CUBN: variants seen among roughly 807,000 people sequenced by gnomAD.
CUBN encodes cubilin.
In CUBN, 282 loss-of-function variants were observed where a neutral mutation model predicts 405.3. That is an observed-to-expected ratio of 0.70 (90% CI 0.63 to 0.77). CUBN has a LOEUF of 0.77. CUBN is among the 30% of genes least tolerant of loss of function. The pLI is 0.00. For synonymous variants in CUBN, 1,684 were observed against 1,617.0 expected, an observed-to-expected ratio of 1.04 and a Z score of -0.99; for missense variants, 4,514 against 4,475.2, an observed-to-expected ratio of 1.01 and a Z score of -0.25.
Position 16,933,127 on chromosome 10 carries a change from AGATTCAATGT to A in CUBN, c.6074_6083del (p.Asp2025ValfsTer11). On this transcript the variant is annotated frameshift_variant, in exon 40 of 67. Transcript: ENST00000377833. LOFTEE classifies it high-confidence loss of function. ...GGCTATCATAGGCACACGTTCGGTG[AGATTCAATGT>A]CCAGGGAAAGAATGTTGAGTTCCAC... 1 of 1,614,114 alleles carries A rather than the reference AGATTCAATGT, an allele frequency of 6.2e-7. No homozygotes were observed. Among genetic ancestry groups the A allele is most frequent in the South Asian group, 1.1e-5 (1 of 91,080 alleles).
chr10:17,088,077 T>G lies in CUBN; in HGVS notation c.1947+87A>C, dbSNP rs1194760531. On this transcript the variant is annotated intron_variant, in intron 15 of 66. Coordinates refer to ENST00000377833, the MANE Select transcript of CUBN (RefSeq NM_001081.4). ...AACACACCTAACTACAGCTAATATT[T>G]TGGGGTCATCCATGGGCATGGCTAG... The G allele has an allele frequency of 6.3e-6, 6 of 948,678 alleles. No homozygotes were observed. The East Asian group carries it at 1.3e-4, about 20-fold the overall frequency. The allele number at this position is 948,678 out of a possible 1,614,324, so 58.8% of individuals were successfully genotyped here.
At chr10:17,075,045 T>A (rs527640915) in intron 17 of CUBN, among the ~76,000 whole-genome samples, 2 of 150,444 alleles carry the variant, frequency 1.3e-5, no homozygotes, top group East Asian at 1.9e-4. Context: ...GGCAAACAGG[T>A]AGTAAAGAGA....
chr10:17,039,156 C>T (rs45545236), intron 27 of CUBN, among the ~76,000 whole-genome samples: 2 of 152,146 alleles, frequency 1.3e-5, no homozygotes, highest in South Asian at 2.1e-4. Flanking sequence ...CTCCATTACG[C>T]TTTACCAAAT....
intron 60 of CUBN, among the ~76,000 whole-genome samples, chr10:16,849,565 T>C (rs1839620632): frequency 6.6e-6 from 1 of 152,226 alleles, no homozygotes; most frequent in African/African-American, 2.4e-5. Context: ...GCCCCTTTCA[T>C]AGTAAAAACA....
At chr10:16,928,332 A>G in intron 40 of CUBN, 29 bp from the exon 41 acceptor site, 1 of 1,612,234 alleles carries the variant, frequency 6.2e-7, no homozygotes, top group Non-Finnish European at 8.5e-7. Context: ...AACAACATGA[A>G]AATACATCTT....
At chr10:16,902,517 T>C (rs1295534282) in intron 51 of CUBN, among the ~76,000 whole-genome samples, 1 of 151,876 alleles carries the variant, frequency 6.6e-6, no homozygotes, top group East Asian at 1.9e-4. Context: ...TGATGTTCAA[T>C]ACAAATAATA....
intron 22 of CUBN, among the ~76,000 whole-genome samples, chr10:17,052,295 G>C (rs551361853): frequency 1.4e-4 from 21 of 152,090 alleles, no homozygotes; most frequent in Non-Finnish European, 2.8e-4. Flanking sequence ...ATATCCATTG[G>C]GCCAAAGGAA....
intron 22 of CUBN, among the ~76,000 whole-genome samples, chr10:17,059,303 A>T (rs1355228739): frequency 6.6e-6 from 1 of 152,130 alleles, no homozygotes; most frequent in Non-Finnish European, 1.5e-5. Flanking sequence ...AGAAACATCT[A>T]TAACCTTCCA....
chr10:17,096,890 C>G (rs2131292690), intron 14 of CUBN, among the ~76,000 whole-genome samples: 1 of 152,150 alleles, frequency 6.6e-6, no homozygotes, highest in South Asian at 2.1e-4. Context: ...ATACTTTCAG[C>G]CGAATGCTAA....
intron 29 of CUBN, among the ~76,000 whole-genome samples, chr10:16,986,882 G>T (rs1051137041): frequency 1.3e-5 from 2 of 152,144 alleles, no homozygotes; most frequent in South Asian, 4.1e-4. Context: ...AAGAAAACTC[G>T]CACGTCGGCA....
At chr10:17,112,035 G>A (rs928225183) in intron 8 of CUBN, among the ~76,000 whole-genome samples, 2 of 152,130 alleles carry the variant, frequency 1.3e-5, no homozygotes, top group African/African-American at 4.8e-5. Flanking sequence ...AAGTAGAAGA[G>A]GAAGGAGAAC....
chr10:16,928,427 G>T, intron 40 of CUBN, 124 bp from the exon 41 acceptor site: 2 of 1,031,302 alleles, frequency 1.9e-6, no homozygotes, highest in Non-Finnish European at 2.9e-6. Flanking sequence ...AGGAGATAAT[G>T]GGATCCTCAA....
intron 59 of CUBN, among the ~76,000 whole-genome samples, chr10:16,857,707 C>G (rs11254252): frequency 0.042 from 6,364 of 152,298 alleles, 197 homozygotes; most frequent in Non-Finnish European, 0.066. Context: ...CAAAAACCTA[C>G]AGCTAACAGC....
In CUBN at chr10:17,047,596, C is replaced by CA; in HGVS notation, c.3146dup (p.Leu1049PhefsTer7). ...TCCCCAAATCATCTGTGTAGTCTTG[C>CA]AAACATGCTGTGAACAGAAACAGAC... On this transcript the variant is annotated frameshift_variant, in exon 23 of 67. Coordinates refer to ENST00000377833, the MANE Select transcript of CUBN (RefSeq NM_001081.4). LOFTEE classifies it high-confidence loss of function. 1 of 1,613,760 alleles carries CA rather than the reference C, an allele frequency of 6.2e-7. No homozygotes were observed. Among genetic ancestry groups the CA allele is most frequent in the Non-Finnish European group, 8.5e-7 (1 of 1,179,766 alleles).
At chr10:16,868,274 T>C (rs984209209) in intron 59 of CUBN, among the ~76,000 whole-genome samples, 4 of 152,164 alleles carry the variant, frequency 2.6e-5, no homozygotes, top group South Asian at 4.1e-4. Flanking sequence ...AAACACAATG[T>C]CTAATTGCTT....
In CUBN at chr10:16,840,870, C is replaced by T. The variant is rs369467797; in HGVS notation, c.9826+15G>A. On this transcript the variant is annotated intron_variant, in intron 61 of 66. Transcript: ENST00000377833. Reference sequence around the variant, plus strand: ...GTGTATTTCATAACATATAAAAATGCTTCTATTTACTCACTGTCCATGATG... The same window carrying T: ...GTGTATTTCATAACATATAAAAATGTTTCTATTTACTCACTGTCCATGATG... The T allele has an allele frequency of 6.3e-5, 100 of 1,599,132 alleles. No individual in the cohort carries two copies. The African/African-American group carries it at 1.2e-3, about 19-fold the overall frequency.
intron 30 of CUBN, among the ~76,000 whole-genome samples, chr10:16,983,394 A>G (rs966716715): frequency 1.3e-5 from 2 of 152,200 alleles, no homozygotes; most frequent in Admixed American, 1.3e-4. Flanking sequence ...CTGGAATCAC[A>G]TATGTGCTTT....
At chr10:17,042,857 G>A (rs1835047552) in intron 26 of CUBN, among the ~76,000 whole-genome samples, 1 of 152,028 alleles carries the variant, frequency 6.6e-6, no homozygotes, top group Admixed American at 6.6e-5. Flanking sequence ...ATAATTTTGT[G>A]ACTTTTAATT....
rs759936198 is a variant in CUBN at position 17,118,446 on chromosome 10, TGTTTC to T, written c.594-2854_594-2850del. Among the ~76,000 whole-genome samples, 17 of 152,214 alleles carry T rather than the reference TGTTTC, an allele frequency of 1.1e-4. No homozygotes were observed. In the East Asian group the frequency reaches 1.5e-3, roughly 14 times the overall value. Reference sequence around the variant, plus strand: ...TTTTATGCACCTTTTTGTTTTGTTTTGTTTCGTTTTGTTTTGAGACAGGGTCTTGT... The same window carrying T: ...TTTTATGCACCTTTTTGTTTTGTTTTGTTTTGTTTTGAGACAGGGTCTTGT... On this transcript the variant is annotated intron_variant, in intron 6 of 66. Transcript: ENST00000377833.
Sources: gnomAD v4.1 joint callset for allele counts (sites outside exome capture counted in the v4.1 genomes callset) on GRCh38, gnomAD v4.1.1 for gene constraint, MANE v1.5 for transcripts, NCBI Gene and HGNC (gene_info 2026-07-23, HGNC 2026-07-21) for gene names.